Variants in SMYD3 observed in about 807,000 individuals in gnomAD.
The protein encoded by SMYD3 is SET and MYND domain containing 3, also known as histone-lysine N-methyltransferase SMYD3.
SMYD3 carries 36 observed loss-of-function variants against 57.7 expected under a neutral mutation model. The ratio of observed to expected loss-of-function variants is 0.62; its 90% CI spans 0.48 to 0.82. SMYD3 has a LOEUF of 0.82. SMYD3 is among the 40% of genes least tolerant of loss of function. The probability of loss-of-function intolerance (pLI) is 0.00; values close to 1 mark genes in which losing one functional copy is unlikely to be tolerated. For missense variants in SMYD3, 515 were observed against 538.8 expected, an observed-to-expected ratio of 0.96 and a Z score of 0.44; for synonymous variants, 211 against 195.0, an observed-to-expected ratio of 1.08 and a Z score of -0.68.
rs564634166 is a variant in SMYD3 at position 246,052,285 on chromosome 1, G to A, written c.532-122348C>T. 1.0e-3 allele frequency among the ~76,000 whole-genome samples: 153 copies of A among 152,316 alleles called. 1 individual carries two copies. The highest frequency in any genetic ancestry group is 3.5e-3 in the African/African-American group (145 of 41,576). On this transcript the variant is annotated intron_variant, in intron 5 of 11. Transcript: ENST00000490107. ...AGACCTCCTCAGAGATGCAGGGAAC[G>A]ATGATGGGGTCAGGTGACCAACACA...
chr1:245,798,424 C>CACA (rs1222464601), intron 10 of SMYD3, among the ~76,000 whole-genome samples: 2 of 5,678 alleles, frequency 3.5e-4, no homozygotes, highest in Non-Finnish European at 3.1e-4. Context: ...ACATACACAC[C>CACA]CCCACACACA....
At chr1:246,010,495 T>A (rs922447545) in intron 5 of SMYD3, among the ~76,000 whole-genome samples, 5 of 152,248 alleles carry the variant, frequency 3.3e-5, no homozygotes, top group African/African-American at 7.2e-5. Context: ...CCCTCTCTGT[T>A]TTCTTCATTT....
At chr1:246,256,785 CT>C (rs1238472997) in intron 5 of SMYD3, among the ~76,000 whole-genome samples, 1 of 152,130 alleles carries the variant, frequency 6.6e-6, no homozygotes, top group Non-Finnish European at 1.5e-5. Flanking sequence ...ATCTTTCTAA[CT>C]TCCTGCGGTA....
intron 5 of SMYD3, among the ~76,000 whole-genome samples, chr1:246,075,531 C>T (rs2060531228): frequency 6.6e-6 from 1 of 152,012 alleles, no homozygotes; most frequent in Non-Finnish European, 1.5e-5. Flanking sequence ...AGAATAAAGG[C>T]AAAATAAAGA....
rs111943577 is a variant in SMYD3, at chr1:246,138,584, C to A, written c.531+188617G>T. 9.1e-3 allele frequency among the ~76,000 whole-genome samples: 1,058 copies of A among 116,170 alleles called. 52 individuals are homozygous for A. Among genetic ancestry groups the A allele is most frequent in the African/African-American group, 0.025 (993 of 39,110 alleles). The allele number at this position is 116,170 out of a possible 152,430, so 76.2% of individuals were successfully genotyped here. ...GGGACTGCAGGCTCCCGCCACCACG[C>A]CCGGCTAATTTTTTGTATTTTTAGT... On this transcript the variant is annotated intron_variant, in intron 5 of 11. Coordinates refer to ENST00000490107, the MANE Select transcript of SMYD3 (RefSeq NM_001167740.2).
chr1:245,816,747 G>A (rs1268364285), intron 10 of SMYD3, among the ~76,000 whole-genome samples: 1 of 152,100 alleles, frequency 6.6e-6, no homozygotes, highest in Non-Finnish European at 1.5e-5. Flanking sequence ...AAGCGCCAGG[G>A]GTCAGGGAGT....
chr1:246,138,631 T>C (rs1292688430), intron 5 of SMYD3, among the ~76,000 whole-genome samples: 4 of 146,844 alleles, frequency 2.7e-5, no homozygotes, highest in Admixed American at 7.1e-5. Context: ...TTCACCGTGT[T>C]AGCCAGGATG....
chr1:245,816,903 C>T (rs183101710), intron 10 of SMYD3, among the ~76,000 whole-genome samples: 53,199 of 151,112 alleles, frequency 0.35, 12,247 homozygotes, highest in Middle Eastern at 0.53. Flanking sequence ...TCCTACCCGA[C>T]GGAGTCTCGC....
intron 11 of SMYD3, among the ~76,000 whole-genome samples, chr1:245,759,891 GA>G (rs902194107): frequency 3.3e-5 from 5 of 150,432 alleles, no homozygotes; most frequent in African/African-American, 1.2e-4. Flanking sequence ...GGGTTCACAG[GA>G]AAAAAAACAA....
At chr1:245,979,770 C>T (rs10458425) in intron 5 of SMYD3, among the ~76,000 whole-genome samples, 18,385 of 152,132 alleles carry the variant, frequency 0.12, 1,485 homozygotes, top group East Asian at 0.43. Flanking sequence ...ACTTAAAAAA[C>T]GCAAGATGAC....
chr1:246,277,476 C>CAA (rs1558371242), intron 5 of SMYD3, among the ~76,000 whole-genome samples: 6 of 151,566 alleles, frequency 4.0e-5, no homozygotes, highest in East Asian at 3.9e-4. Flanking sequence ...ACCACCACCA[C>CAA]CAACAACAAC....
intron 5 of SMYD3, among the ~76,000 whole-genome samples, chr1:246,172,304 C>G (rs906237661): frequency 1.1e-4 from 16 of 150,426 alleles, no homozygotes; most frequent in Non-Finnish European, 1.5e-4. Flanking sequence ...CCACACTGTA[C>G]GCTTAGGCTA....
chr1:246,434,530 G>A (rs1203658847), intron 1 of SMYD3, among the ~76,000 whole-genome samples: 1 of 152,122 alleles, frequency 6.6e-6, no homozygotes. Context: ...ACAAGCGGCA[G>A]ACAAACATGA....
intron 1 of SMYD3, among the ~76,000 whole-genome samples, chr1:246,435,896 A>G (rs945023177): frequency 4.7e-5 from 6 of 127,302 alleles, no homozygotes; most frequent in East Asian, 4.2e-4. Context: ...TCCCTCTATT[A>G]GAGTTTTTGC....
At chr1:246,229,378 T>C (rs2063375949) in intron 5 of SMYD3, among the ~76,000 whole-genome samples, 7 of 152,194 alleles carry the variant, frequency 4.6e-5, no homozygotes, top group Admixed American at 4.6e-4. Flanking sequence ...TAGAAGGTGT[T>C]ACATTGTTTC....
chr1:245,763,482 C>T (rs2045943108), intron 11 of SMYD3, among the ~76,000 whole-genome samples: 1 of 152,066 alleles, frequency 6.6e-6, no homozygotes, highest in Non-Finnish European at 1.5e-5. Flanking sequence ...GCGGAGAGCA[C>T]TTAAGGCAGA....
intron 5 of SMYD3, among the ~76,000 whole-genome samples, chr1:246,273,575 C>CTTTTTTTT (rs75025399): frequency 3.6e-5 from 3 of 84,390 alleles, no homozygotes; most frequent in East Asian, 4.5e-4. Context: ...TTTCACTAAT[C>CTTTTTTTT]TTTTTTTTTT....
intron 5 of SMYD3, among the ~76,000 whole-genome samples, chr1:246,302,671 G>C (rs539264054): frequency 7.9e-5 from 12 of 152,102 alleles, no homozygotes; most frequent in African/African-American, 2.9e-4. Flanking sequence ...CTTCACGAAG[G>C]GGTGGCTGCT....
intron 1 of SMYD3, among the ~76,000 whole-genome samples, chr1:246,378,843 T>C (rs2066336998): frequency 8.7e-6 from 1 of 114,928 alleles, no homozygotes; most frequent in Admixed American, 1.2e-4. Flanking sequence ...TATAATTATA[T>C]ATAATATATT....
Sources: allele counts gnomAD v4.1 joint callset (sites outside exome capture counted in the v4.1 genomes callset), GRCh38; gene constraint gnomAD v4.1.1; transcripts MANE v1.5; gene names NCBI Gene and HGNC (gene_info 2026-07-23, HGNC 2026-07-21).